Variants in FABP7 observed in about 807,000 individuals in gnomAD.
The protein encoded by FABP7 is fatty acid-binding protein, brain.
Under a neutral mutation model 14.2 loss-of-function variants are expected in FABP7, and 13 were observed. The observed-to-expected ratio is 0.91, with a 90% confidence interval of 0.59 to 1.45. The LOEUF (loss-of-function observed/expected upper bound fraction) is 1.45. Among genes scored for constraint, FABP7 ranks in the 40% most tolerant of loss-of-function variants. The pLI, the probability that FABP7 is intolerant of heterozygous loss-of-function variation, is 0.00. For missense variants in FABP7, 149 were observed against 157.6 expected (o/e 0.95, Z 0.29); for synonymous variants, 49 against 51.4 (o/e 0.95, Z 0.20).
the FABP7 span, among the ~76,000 whole-genome samples, chr6:122,759,096 A>G: frequency 3.3e-5 from 5 of 152,250 alleles, no homozygotes; most frequent in Non-Finnish European, 7.3e-5. Flanking sequence ...TCACATACTT[A>G]GAATGAATTC....
the FABP7 span, among the ~76,000 whole-genome samples, chr6:122,761,861 T>A: frequency 2.0e-5 from 3 of 152,122 alleles, no homozygotes; most frequent in Non-Finnish European, 4.4e-5. Flanking sequence ...GTTTTTCAAG[T>A]TTTGAAAAGA....
At chr6:122,759,736 C>T in the FABP7 span, among the ~76,000 whole-genome samples, 1 of 152,198 alleles carries the variant, frequency 6.6e-6, no homozygotes. Flanking sequence ...GCCAAGCATA[C>T]ATGCTCTAAA....
chr6:122,773,572 T>G, the FABP7 span, among the ~76,000 whole-genome samples: 17 of 152,208 alleles, frequency 1.1e-4, no homozygotes, highest in Non-Finnish European at 1.5e-5. Flanking sequence ...TAATTACATT[T>G]CCTTTCCAGC....
chr6:122,764,596 G>C, the FABP7 span, among the ~76,000 whole-genome samples: 1 of 152,094 alleles, frequency 6.6e-6, no homozygotes, highest in African/African-American at 2.4e-5. Flanking sequence ...CTCATGAACT[G>C]TTTCATTTAT....
Position 122,780,271 on chromosome 6 carries a change from T to C in FABP7, c.74-20T>C. 1 of 1,613,820 alleles carries C rather than the reference T, an allele frequency of 6.2e-7. No homozygotes were observed. The highest frequency in any genetic ancestry group is 8.5e-7 in the Non-Finnish European group (1 of 1,179,854). Reference sequence around the variant, plus strand: ...TTTTGGAAGTCGCTGCAGACTGTACTGTTCCCTTTGCTATTTTAGGCGTGG... The same window carrying C: ...TTTTGGAAGTCGCTGCAGACTGTACCGTTCCCTTTGCTATTTTAGGCGTGG... On this transcript the variant is annotated intron_variant, in intron 1 of 3. Coordinates refer to ENST00000368444, the MANE Select transcript of FABP7 (RefSeq NM_001446.5).
At chr6:122,782,669 C>T (rs1372732552) in intron 3 of FABP7, 2 of 985,406 alleles carry the variant, frequency 2.0e-6, no homozygotes, top group South Asian at 4.7e-5. Context: ...GAATGCTTTA[C>T]ATAGTCCTTG....
rs139900411 is a variant in FABP7 at position 122,781,688 on chromosome 6, A to G, written c.348+494A>G. 629 of 992,150 alleles carry G rather than the reference A, an allele frequency of 6.3e-4. 2 individuals are homozygous for G. The African/African-American group carries it at 0.01, about 16-fold the overall frequency. 61.5% of individuals were successfully genotyped at this position (992,150 alleles called of 1,614,324 possible). A position where few individuals can be genotyped will look rare whatever the true frequency, so the allele number is the denominator to read the frequency against. ...GGCAGATAATTTAGAATATAACAGA[A>G]AAGTATAACAAAAAAATTAAAATCC... On this transcript the variant is annotated intron_variant, in intron 3 of 3. Transcript: ENST00000368444.
chr6:122,755,579 G>A, the FABP7 span, among the ~76,000 whole-genome samples: 16 of 149,548 alleles, frequency 1.1e-4, no homozygotes, highest in East Asian at 6.0e-4. Flanking sequence ...TCAGCCTCCC[G>A]AGTAGCTGGG....
At chr6:122,775,427 A>G (rs2115137956), upstream of FABP7, among the ~76,000 whole-genome samples, 1 of 152,302 alleles carries the variant, frequency 6.6e-6, no homozygotes, top group South Asian at 2.1e-4. Flanking sequence ...CGGTCACTTC[A>G]ACAAATGGTG....
the FABP7 span, among the ~76,000 whole-genome samples, chr6:122,752,253 A>C: frequency 6.6e-6 from 1 of 152,232 alleles, no homozygotes; most frequent in African/African-American, 2.4e-5. Flanking sequence ...TTGACTTCTC[A>C]TTTAGATGTG....
chr6:122,782,509 T>C (rs184557823), intron 3 of FABP7: 1 of 979,742 alleles, frequency 1.0e-6, no homozygotes, highest in African/African-American at 1.7e-5. Flanking sequence ...TAACAAATAA[T>C]TTATCTAATG....
At chr6:122,762,527 G>A in the FABP7 span, among the ~76,000 whole-genome samples, 1 of 152,162 alleles carries the variant, frequency 6.6e-6, no homozygotes, top group African/African-American at 2.4e-5. Context: ...CATCGTGTTG[G>A]AAGTTCTTGC....
At chr6:122,779,709 C>A, upstream of FABP7, 1 of 1,292,380 alleles carries the variant, frequency 7.7e-7, no homozygotes. Context: ...GAGCTGCTTG[C>A]TGAGGTGTAA....
chr6:122,765,782 C>G, the FABP7 span, among the ~76,000 whole-genome samples: 1 of 151,942 alleles, frequency 6.6e-6, no homozygotes, highest in Non-Finnish European at 1.5e-5. Context: ...TCTTAGGAAT[C>G]CTTGCTCCTG....
chr6:122,752,257 A>C, the FABP7 span, among the ~76,000 whole-genome samples: 1 of 152,230 alleles, frequency 6.6e-6, no homozygotes, highest in South Asian at 2.1e-4. Flanking sequence ...CTTCTCATTT[A>C]GATGTGTTCA....
chr6:122,764,741 G>A, the FABP7 span, among the ~76,000 whole-genome samples: 1 of 152,124 alleles, frequency 6.6e-6, no homozygotes, highest in South Asian at 2.1e-4. Flanking sequence ...CCTTTGGAAA[G>A]GGATGTGTGT....
rs1394573689 is a variant in FABP7, at chr6:122,783,856, T to C, written c.*89T>C. The stretch of plus-strand genomic sequence containing the variant: ...TATCCTATTACAACATGGCTGATCA[T>C]TAATTAGAAGGTTATCCTTGGTGTG... On this transcript the variant is annotated 3_prime_UTR_variant, in exon 4 of 4. Transcript: ENST00000368444. 2 of 1,066,568 alleles carry C rather than the reference T, an allele frequency of 1.9e-6. No individual in the cohort carries two copies. Among genetic ancestry groups the C allele is most frequent in the African/African-American group, 1.7e-5 (1 of 60,580 alleles). 66.1% of individuals were successfully genotyped at this position (1,066,568 alleles called of 1,614,324 possible).
the FABP7 span, among the ~76,000 whole-genome samples, chr6:122,753,540 TC>T: frequency 6.6e-6 from 1 of 152,306 alleles, no homozygotes; most frequent in East Asian, 1.9e-4. Context: ...CACATATTTG[TC>T]ATGGATGAGC....
In FABP7 at chr6:122,781,162, G is replaced by A. The variant is rs147711680; in HGVS notation, c.316G>A (p.Val106Ile). 18 of 1,613,830 alleles carry A rather than the reference G, an allele frequency of 1.1e-5. No homozygotes were observed. The highest frequency in any genetic ancestry group is 1.5e-5 in the Non-Finnish European group (18 of 1,179,930). ...ATGGGATGGCAAAGAAACAAATTTTGTAAGAGAAATTAAGGATGGCAAAAT... is the reference window on the plus strand; with the variant it reads ...ATGGGATGGCAAAGAAACAAATTTTATAAGAGAAATTAAGGATGGCAAAAT... The part of the protein sequence containing the change: ...QKWDGKETNF[V>I]REIKDGKMVM... The change falls in exon 3 of 4, where the codon GTA (valine) becomes ATA (isoleucine). Residue 106 changes from valine (V) to isoleucine (I), a missense_variant. Physicochemically the swap from Val to Ile is conservative, Grantham distance 29. Transcript: ENST00000368444.
Sources: allele counts gnomAD v4.1 joint callset (sites outside exome capture counted in the v4.1 genomes callset), GRCh38; gene constraint gnomAD v4.1.1; transcripts MANE v1.5; gene names NCBI Gene and HGNC (gene_info 2026-07-23, HGNC 2026-07-21).